The following PCDH15 variants were observed in gnomAD, a reference collection of about 807,000 sequenced individuals.
PCDH15 encodes the protein protocadherin-15.
Under a neutral mutation model 178.5 loss-of-function variants are expected in PCDH15, and 129 were observed. The observed-to-expected ratio is 0.72, with a 90% CI of 0.63 to 0.84. PCDH15 has a LOEUF of 0.84. Ranked by LOEUF, PCDH15 falls within the 40% of genes least tolerant of loss-of-function variation. PCDH15 has a pLI of 0.00. For synonymous variants in PCDH15, 800 were observed against 732.0 expected (o/e 1.09, Z -1.50); for missense variants, 2,230 against 2,099.9 (o/e 1.06, Z -1.21).
At chr10:55,454,203 C>G (rs967534897) in intron 2 of PCDH15, among the ~76,000 whole-genome samples, 2 of 152,016 alleles carry the variant, frequency 1.3e-5, no homozygotes, top group Non-Finnish European at 2.9e-5. Flanking sequence ...ATTTATGATA[C>G]TATGTGCCAT....
chr10:53,856,259 A>T (rs1339509189), intron 28 of PCDH15, among the ~76,000 whole-genome samples: 1 of 151,820 alleles, frequency 6.6e-6, no homozygotes, highest in Non-Finnish European at 1.5e-5. Context: ...AAAATTTAAA[A>T]TAATGGCAGC....
intron 32 of PCDH15, 45 bp downstream of exon 32, chr10:53,827,348 A>G: frequency 1.3e-6 from 2 of 1,563,888 alleles, no homozygotes; most frequent in Admixed American, 1.9e-5. Flanking sequence ...CACAGAATTC[A>G]GTAAAACCCA....
intron 2 of PCDH15, among the ~76,000 whole-genome samples, chr10:55,542,003 G>A (rs538598375): frequency 2.0e-5 from 3 of 151,416 alleles, no homozygotes; most frequent in Admixed American, 6.6e-5. Flanking sequence ...AACCTGAGAG[G>A]GAACAAAATT....
chr10:55,220,728 T>A (rs1840849508), intron 1 of PCDH15, among the ~76,000 whole-genome samples: 1 of 152,044 alleles, frequency 6.6e-6, no homozygotes, highest in African/African-American at 2.4e-5. Context: ...ACACAATCTG[T>A]TGTTGACAGA....
chr10:55,189,516 T>A (rs17610824), intron 1 of PCDH15, among the ~76,000 whole-genome samples: 17,560 of 151,816 alleles, frequency 0.12, 1,444 homozygotes, highest in Non-Finnish European at 0.17. Flanking sequence ...AAATGTTAGA[T>A]TCTACAGAAC....
chr10:54,697,414 G>A (rs538518625), intron 1 of PCDH15, among the ~76,000 whole-genome samples: 13 of 151,116 alleles, frequency 8.6e-5, no homozygotes, highest in South Asian at 4.2e-4. Flanking sequence ...ATGATTACCT[G>A]AGAACACAGT....
chr10:55,520,523 G>GTATA (rs149714731), intron 2 of PCDH15, among the ~76,000 whole-genome samples: 2,530 of 145,434 alleles, frequency 0.017, 35 homozygotes, highest in Middle Eastern at 0.067. Flanking sequence ...GTGTGTGTGT[G>GTATA]TATATATATA....
At chr10:53,889,275 C>T (rs977901340) in intron 26 of PCDH15, among the ~76,000 whole-genome samples, 1 of 151,882 alleles carries the variant, frequency 6.6e-6, no homozygotes, top group South Asian at 2.1e-4. Context: ...GCAAGCCATA[C>T]CTTGGGAGAC....
chr10:54,156,885 C>T (rs1056366515), intron 13 of PCDH15, among the ~76,000 whole-genome samples: 9 of 152,190 alleles, frequency 5.9e-5, no homozygotes, highest in Non-Finnish European at 8.8e-5. Flanking sequence ...AGGCCCCAAG[C>T]AAGTCCGAAA....
intron 2 of PCDH15, among the ~76,000 whole-genome samples, chr10:54,647,359 T>C (rs1046628064): frequency 1.3e-5 from 2 of 151,992 alleles, no homozygotes; most frequent in African/African-American, 4.8e-5. Flanking sequence ...TGCCAGGGGT[T>C]GGAGAGTGGG....
chr10:54,287,846 A>G (rs1431800716), intron 8 of PCDH15, among the ~76,000 whole-genome samples: 3 of 152,144 alleles, frequency 2.0e-5, no homozygotes, highest in South Asian at 2.1e-4. Flanking sequence ...TCTCTTTACA[A>G]TCATGATTGG....
intron 1 of PCDH15, among the ~76,000 whole-genome samples, chr10:55,235,438 T>C (rs1841350595): frequency 1.3e-5 from 2 of 152,112 alleles, no homozygotes; most frequent in South Asian, 4.1e-4. Context: ...AAATCTTTTA[T>C]TTGTCTACTT....
chr10:54,296,263 T>C (rs2059780752), intron 8 of PCDH15, among the ~76,000 whole-genome samples: 1 of 151,728 alleles, frequency 6.6e-6, no homozygotes, highest in Admixed American at 6.6e-5. Context: ...GTTGGAAGCA[T>C]TGATTTGCCT....
intron 2 of PCDH15, among the ~76,000 whole-genome samples, chr10:55,361,992 T>C (rs1203227442): frequency 6.6e-6 from 1 of 152,066 alleles, no homozygotes; most frequent in Non-Finnish European, 1.5e-5. Flanking sequence ...GGATGAGAAA[T>C]TACATTGGAA....
chr10:55,247,798 G>A (rs1033569759), intron 1 of PCDH15: 1 of 151,422 alleles, frequency 6.6e-6, no homozygotes, highest in South Asian at 2.1e-4. Context: ...CTACTTGAGA[G>A]GCTGAGGTGG....
chr10:53,932,612 T>G (rs1175922523), intron 25 of PCDH15, among the ~76,000 whole-genome samples: 1 of 152,152 alleles, frequency 6.6e-6, no homozygotes, highest in Non-Finnish European at 1.5e-5. Flanking sequence ...TGAATTCAAG[T>G]ACAACTTTAC....
intron 1 of PCDH15, among the ~76,000 whole-genome samples, chr10:55,172,307 A>C (rs1230540532): frequency 3.3e-5 from 5 of 151,980 alleles, no homozygotes. Context: ...CCTCTAATTA[A>C]AATATTGCAG....
chr10:55,037,818 T>C (rs559935774), intron 2 of PCDH15, among the ~76,000 whole-genome samples: 1 of 152,338 alleles, frequency 6.6e-6, no homozygotes, highest in Non-Finnish European at 1.5e-5. Flanking sequence ...AAGGTAATTA[T>C]CTGTCATCTT....
chr10:54,683,813 C>T (rs533749033), intron 1 of PCDH15, among the ~76,000 whole-genome samples: 24 of 152,166 alleles, frequency 1.6e-4, no homozygotes, highest in African/African-American at 5.3e-4. Flanking sequence ...CCTGACTCTG[C>T]CTCTTACATG....
Sources: allele counts gnomAD v4.1 joint callset (sites outside exome capture counted in the v4.1 genomes callset), GRCh38; gene constraint gnomAD v4.1.1; transcripts MANE v1.5; gene names NCBI Gene and HGNC (gene_info 2026-07-23, HGNC 2026-07-21).